Variants in FHOD3 observed in about 807,000 individuals in gnomAD.
FHOD3 encodes the protein FH1/FH2 domain-containing protein 3.
A neutral mutation model predicts 173.0 loss-of-function variants in FHOD3; 90 were observed. The ratio of observed to expected loss-of-function variants is 0.52; its 90% CI spans 0.44 to 0.62. The LOEUF is 0.62. FHOD3 is among the 20% of genes least tolerant of loss of function. The pLI is 0.00. For synonymous variants in FHOD3, 828 were observed against 823.0 expected, an observed-to-expected ratio of 1.01 and a Z score of -0.10; for missense variants, 1,945 against 2,034.7, an observed-to-expected ratio of 0.96 and a Z score of 0.85.
chr18:36,378,099 C>G (rs1421776097), intron 3 of FHOD3, among the ~76,000 whole-genome samples: 1 of 152,128 alleles, frequency 6.6e-6, no homozygotes, highest in African/African-American at 2.4e-5. Flanking sequence ...ATGCCAGGAT[C>G]CTCTGATTCT....
intron 5 of FHOD3, among the ~76,000 whole-genome samples, chr18:36,559,623 G>A (rs969980370): frequency 6.6e-6 from 1 of 152,142 alleles, no homozygotes; most frequent in African/African-American, 2.4e-5. Flanking sequence ...CCCTCCTTGT[G>A]TAAGGTTTGT....
chr18:36,418,197 T>C (rs1359137647), intron 3 of FHOD3, among the ~76,000 whole-genome samples: 1 of 152,224 alleles, frequency 6.6e-6, no homozygotes, highest in Non-Finnish European at 1.5e-5. Flanking sequence ...TAGACAAACA[T>C]ATCCATTTCT....
chr18:36,777,198 C>CTTTTTTTTTTTTT (rs11294880), intron 28 of FHOD3, among the ~76,000 whole-genome samples: 3 of 108,888 alleles, frequency 2.8e-5, no homozygotes, highest in African/African-American at 3.7e-5. Context: ...TCTTCTTTTT[C>CTTTTTTTTTTTTT]TTTTTTTTTT....
At chr18:36,545,931 C>T (rs185336223) in intron 5 of FHOD3, among the ~76,000 whole-genome samples, 1 of 152,352 alleles carries the variant, frequency 6.6e-6, no homozygotes, top group East Asian at 1.9e-4. Context: ...GCTAACAGAG[C>T]TAGCAGTTTG....
chr18:36,678,129 C>CT (rs2037981571), intron 14 of FHOD3, among the ~76,000 whole-genome samples: 2 of 152,042 alleles, frequency 1.3e-5, no homozygotes, highest in African/African-American at 4.8e-5. Context: ...TTCCCTTATG[C>CT]TTTTTACTTT....
intron 5 of FHOD3, among the ~76,000 whole-genome samples, chr18:36,516,833 C>G (rs947563623): frequency 6.6e-6 from 1 of 152,174 alleles, no homozygotes; most frequent in Non-Finnish European, 1.5e-5. Context: ...GAAGTGTGCC[C>G]TCATGAAGCC....
At chr18:36,760,828 C>T (rs987353502) in intron 27 of FHOD3, 46 bp downstream of exon 27, 12 of 1,545,818 alleles carry the variant, frequency 7.8e-6, no homozygotes, top group African/African-American at 6.8e-5. Flanking sequence ...TCAGGTTGGC[C>T]GCTCTGGGGG....
chr18:36,588,777 T>C (rs1380371432), intron 6 of FHOD3, among the ~76,000 whole-genome samples: 2 of 152,206 alleles, frequency 1.3e-5, no homozygotes, highest in East Asian at 1.9e-4. Flanking sequence ...TTCCCACATA[T>C]TTGGTGATTA....
chr18:36,556,853 AG>A (rs1156361433), intron 5 of FHOD3, among the ~76,000 whole-genome samples: 8 of 152,194 alleles, frequency 5.3e-5, no homozygotes, highest in Non-Finnish European at 1.0e-4. Flanking sequence ...CTTGTAGTGC[AG>A]GTCTGCTGTT....
chr18:36,312,371 T>G (rs2092278876), intron 1 of FHOD3, among the ~76,000 whole-genome samples: 1 of 152,172 alleles, frequency 6.6e-6, no homozygotes, highest in Non-Finnish European at 1.5e-5. Flanking sequence ...GAGGGCTTTC[T>G]GACGACCCCC....
chr18:36,697,264 C>T (rs1457917153), intron 17 of FHOD3, among the ~76,000 whole-genome samples: 2 of 152,166 alleles, frequency 1.3e-5, no homozygotes, highest in South Asian at 2.1e-4. Context: ...GAGGGCATCC[C>T]GGGGTTAAGC....
At position 36,648,498 on chromosome 18, in the gene FHOD3, C is replaced by T. The variant is rs542073813; in HGVS notation, c.1197-818C>T. ...CAATTGAAACCACCCTAAGCAACAACGAGAATTTATTATTTTCCATTAGTG... is the reference window on the plus strand; with the variant it reads ...CAATTGAAACCACCCTAAGCAACAATGAGAATTTATTATTTTCCATTAGTG... On this transcript the variant is annotated intron_variant, in intron 10 of 28. Coordinates refer to ENST00000590592, the MANE Select transcript of FHOD3 (RefSeq NM_001281740.3). Among the ~76,000 whole-genome samples the T allele has an allele frequency of 7.5e-4, 114 of 152,212 alleles. 1 individual carries two copies. The highest frequency in any genetic ancestry group is 2.6e-3 in the African/African-American group (108 of 41,534).
chr18:36,507,544 C>T (rs2055369607), intron 4 of FHOD3, among the ~76,000 whole-genome samples: 1 of 152,184 alleles, frequency 6.6e-6, no homozygotes, highest in Non-Finnish European at 1.5e-5. Context: ...TGTGAGCTCA[C>T]TGGGGTTCAT....
chr18:36,390,223 G>A (rs2048231234), intron 3 of FHOD3, among the ~76,000 whole-genome samples: 1 of 152,238 alleles, frequency 6.6e-6, no homozygotes. Flanking sequence ...GGTGATAGGG[G>A]GACGTGTCCA....
chr18:36,465,250 C>G (rs754037532), intron 3 of FHOD3, among the ~76,000 whole-genome samples: 8 of 152,152 alleles, frequency 5.3e-5, no homozygotes, highest in Non-Finnish European at 1.2e-4. Context: ...ATTGCTTGAA[C>G]TCGGGAGGCG....
At chr18:36,747,195 C>A in intron 24 of FHOD3, 60 bp downstream of exon 24, 2 of 1,377,544 alleles carry the variant, frequency 1.5e-6, no homozygotes, top group Non-Finnish European at 2.0e-6. Context: ...AAAATTTGTA[C>A]TGGAAATTAA....
intron 5 of FHOD3, among the ~76,000 whole-genome samples, chr18:36,524,586 G>T (rs1440552108): frequency 6.6e-6 from 1 of 152,094 alleles, no homozygotes; most frequent in Non-Finnish European, 1.5e-5. Flanking sequence ...CCCTTGCTTT[G>T]CTGATTCACT....
At chr18:36,737,161 A>C (rs536347810) in intron 20 of FHOD3, among the ~76,000 whole-genome samples, 1 of 152,338 alleles carries the variant, frequency 6.6e-6, no homozygotes, top group South Asian at 2.1e-4. Flanking sequence ...CAACCTCATA[A>C]ATCTTCAACA....
chr18:36,719,415 T>A (rs868584292), intron 19 of FHOD3, among the ~76,000 whole-genome samples: 3 of 130,600 alleles, frequency 2.3e-5, no homozygotes, highest in South Asian at 2.7e-4. Flanking sequence ...CATGGTTAAT[T>A]TACACTGATA....
Sources: allele counts gnomAD v4.1 joint callset (sites outside exome capture counted in the v4.1 genomes callset), GRCh38; gene constraint gnomAD v4.1.1; transcripts MANE v1.5; gene names NCBI Gene and HGNC (gene_info 2026-07-23, HGNC 2026-07-21).